The following FHIT variants were observed in gnomAD, a reference collection of about 807,000 sequenced individuals.
FHIT encodes bis(5'-adenosyl)-triphosphatase.
Under a neutral mutation model 17.9 loss-of-function variants are expected in FHIT, and 19 were observed. That is an observed-to-expected ratio of 1.06 (90% CI 0.74 to 1.56). FHIT has a LOEUF of 1.56. Among genes scored for constraint, FHIT ranks in the 40% most tolerant of loss-of-function variants. The pLI is 0.00. For missense variants in FHIT, 248 were observed against 189.2 expected, an observed-to-expected ratio of 1.31 and a Z score of -1.82; for synonymous variants, 81 against 69.7, an observed-to-expected ratio of 1.16 and a Z score of -0.81.
At chr3:60,356,546 A>G (rs2106968708) in intron 5 of FHIT, among the ~76,000 whole-genome samples, 1 of 152,220 alleles carries the variant, frequency 6.6e-6, no homozygotes, top group South Asian at 2.1e-4. Context: ...CTGTGAGTGA[A>G]AGTACTCCAT....
intron 5 of FHIT, among the ~76,000 whole-genome samples, chr3:60,345,984 T>C (rs1710757674): frequency 1.3e-5 from 2 of 152,240 alleles, no homozygotes; most frequent in South Asian, 2.1e-4. Context: ...TTTTTCACCT[T>C]TGTTGCTCTG....
chr3:59,826,150 C>T (rs1700969664), intron 8 of FHIT, among the ~76,000 whole-genome samples: 1 of 152,198 alleles, frequency 6.6e-6, no homozygotes, highest in Admixed American at 6.5e-5. Context: ...CAGGGTCTCA[C>T]TCTGACACCC....
At chr3:60,357,170 G>A (rs563818101) in intron 5 of FHIT, among the ~76,000 whole-genome samples, 2 of 152,124 alleles carry the variant, frequency 1.3e-5, no homozygotes, top group South Asian at 2.1e-4. Context: ...AAATAATCAG[G>A]TCTTCCCCAG....
intron 4 of FHIT, among the ~76,000 whole-genome samples, chr3:60,794,373 A>AATGGATGCATGGATGGATGG (rs375333016): frequency 6.7e-6 from 1 of 149,506 alleles, no homozygotes; most frequent in African/African-American, 2.5e-5. Context: ...GGGAAGGAAA[A>AATGGATGCATGGATGGATGG]ATGGATGGAT....
At chr3:61,130,105 A>G (rs149123777) in intron 2 of FHIT, among the ~76,000 whole-genome samples, 15 of 152,312 alleles carry the variant, frequency 9.8e-5, no homozygotes, top group African/African-American at 3.6e-4. Flanking sequence ...CAAAAAGACC[A>G]GAGTCTAGTA....
At chr3:60,286,660 T>G (rs962241650) in intron 5 of FHIT, among the ~76,000 whole-genome samples, 1 of 152,204 alleles carries the variant, frequency 6.6e-6, no homozygotes, top group Non-Finnish European at 1.5e-5. Context: ...AATGAAAATG[T>G]TATTTAAAAA....
intron 4 of FHIT, among the ~76,000 whole-genome samples, chr3:60,771,892 AT>A (rs1436783838): frequency 2.6e-5 from 4 of 152,178 alleles, no homozygotes; most frequent in Admixed American, 2.6e-4. Context: ...AAGAATTTTT[AT>A]TAAGCCAAGA....
At chr3:59,784,727 G>A (rs1702759435) in intron 8 of FHIT, among the ~76,000 whole-genome samples, 1 of 152,142 alleles carries the variant, frequency 6.6e-6, no homozygotes, top group Admixed American at 6.5e-5. Context: ...CCTGCACCAA[G>A]GCTTATTGAT....
At chr3:60,029,499 GTC>G (rs1440486736) in intron 5 of FHIT, among the ~76,000 whole-genome samples, 1 of 152,140 alleles carries the variant, frequency 6.6e-6, no homozygotes, top group Non-Finnish European at 1.5e-5. Context: ...TATATATGCA[GTC>G]TCTCTCCAGA....
At chr3:60,802,807 G>A (rs112321720) in intron 4 of FHIT, among the ~76,000 whole-genome samples, 47 of 151,976 alleles carry the variant, frequency 3.1e-4, no homozygotes, top group Middle Eastern at 3.4e-3. Flanking sequence ...TGTACACTAC[G>A]TTAGTAACCA....
chr3:60,474,760 A>G (rs1288687024), intron 5 of FHIT, among the ~76,000 whole-genome samples: 1 of 151,918 alleles, frequency 6.6e-6, no homozygotes, highest in Non-Finnish European at 1.5e-5. Flanking sequence ...AGTAGCTGGG[A>G]TTACAGGCGC....
chr3:60,224,315 C>A (rs2107539504), intron 5 of FHIT, among the ~76,000 whole-genome samples: 1 of 152,154 alleles, frequency 6.6e-6, no homozygotes, highest in South Asian at 2.1e-4. Flanking sequence ...CCAACCTGAT[C>A]CTGATGCAAA....
At chr3:59,806,732 A>G (rs1217256455) in intron 8 of FHIT, among the ~76,000 whole-genome samples, 2 of 33,120 alleles carry the variant, frequency 6.0e-5, no homozygotes, top group African/African-American at 2.5e-4. Flanking sequence ...ATACATATAT[A>G]TGTGTATCTC....
Position 60,980,833 on chromosome 3 carries a change from A to C in FHIT, c.-111+61214T>G, listed in dbSNP as rs980468542. 2.0e-5 allele frequency among the ~76,000 whole-genome samples: 3 copies of C among 152,228 alleles called. No individual in the cohort carries two copies. In the South Asian group the frequency reaches 6.2e-4, roughly 31 times the overall value. The stretch of plus-strand genomic sequence containing the variant: ...ATTTCAACCTTTCTGAGCAGTTGCC[A>C]ATAGTAAAAAAAATGACATAAATTT... On this transcript the variant is annotated intron_variant, in intron 3 of 9. Transcript: ENST00000492590.
chr3:60,022,821 G>C (rs1700600939), intron 5 of FHIT, among the ~76,000 whole-genome samples: 1 of 152,092 alleles, frequency 6.6e-6, no homozygotes, highest in South Asian at 2.1e-4. Context: ...CAATAAAAAT[G>C]TTTTTTCAAG....
chr3:60,588,265 T>A (rs2037969999), intron 4 of FHIT, among the ~76,000 whole-genome samples: 1 of 152,046 alleles, frequency 6.6e-6, no homozygotes, highest in Admixed American at 6.6e-5. Context: ...CTATATCCAC[T>A]AAAGATCAAC....
chr3:60,141,225 C>T (rs945623101), intron 5 of FHIT, among the ~76,000 whole-genome samples: 1 of 151,930 alleles, frequency 6.6e-6, no homozygotes, highest in African/African-American at 2.4e-5. Context: ...TCTAAATGCA[C>T]AGATAATTGA....
At chr3:60,810,701 T>C (rs1553735801) in intron 4 of FHIT, among the ~76,000 whole-genome samples, 1 of 152,034 alleles carries the variant, frequency 6.6e-6, no homozygotes, top group Non-Finnish European at 1.5e-5. Flanking sequence ...AAGAAATTGC[T>C]TCTTAAAAAA....
intron 3 of FHIT, among the ~76,000 whole-genome samples, chr3:60,954,188 C>T (rs1486631855): frequency 1.3e-5 from 2 of 152,168 alleles, no homozygotes; most frequent in Non-Finnish European, 2.9e-5. Context: ...ATGACTCAAT[C>T]CAGATGGAAA....
Sources: allele counts gnomAD v4.1 joint callset (sites outside exome capture counted in the v4.1 genomes callset), GRCh38; gene constraint gnomAD v4.1.1; transcripts MANE v1.5; gene names NCBI Gene and HGNC (gene_info 2026-07-23, HGNC 2026-07-21).